The following TENM3 variants were observed in gnomAD, a reference collection of about 807,000 sequenced individuals.
The protein encoded by TENM3 is teneurin-3.
Under a neutral mutation model 255.1 loss-of-function variants are expected in TENM3, and 63 were observed. The observed-to-expected ratio is 0.25, with a 90% CI of 0.20 to 0.30. The LOEUF (loss-of-function observed/expected upper bound fraction) is 0.30. Among genes scored for constraint, TENM3 ranks in the 10% least tolerant of loss-of-function variants. TENM3 has a pLI of 1.00. For missense variants in TENM3, 2,929 were observed against 3,461.1 expected (o/e 0.85, Z 3.86); for synonymous variants, 1,306 against 1,322.3 (o/e 0.99, Z 0.27).
At chr4:182,362,266 T>G (rs991335756) in intron 3 of TENM3, among the ~76,000 whole-genome samples, 3 of 152,206 alleles carry the variant, frequency 2.0e-5, no homozygotes, top group Admixed American at 1.3e-4. Flanking sequence ...GACAGGGACA[T>G]TTAAGTCTGC....
At chr4:181,690,039 G>A in the TENM3 span, among the ~76,000 whole-genome samples, 5 of 152,140 alleles carry the variant, frequency 3.3e-5, no homozygotes, top group Non-Finnish European at 7.3e-5. Context: ...TATTGAACGT[G>A]TCAATCTCAG....
intron 3 of TENM3, among the ~76,000 whole-genome samples, chr4:182,524,222 T>C (rs374675480): frequency 3.9e-5 from 6 of 152,184 alleles, no homozygotes; most frequent in African/African-American, 1.4e-4. Context: ...TACAATTAAT[T>C]ATTTTGCCAA....
At chr4:181,665,186 A>G in the TENM3 span, among the ~76,000 whole-genome samples, 1 of 152,134 alleles carries the variant, frequency 6.6e-6, no homozygotes, top group Non-Finnish European at 1.5e-5. Flanking sequence ...GAGGCACCAG[A>G]ACATCATCTC....
At chr4:181,896,937 T>C in the TENM3 span, among the ~76,000 whole-genome samples, 2 of 152,188 alleles carry the variant, frequency 1.3e-5, no homozygotes, top group East Asian at 3.9e-4. Flanking sequence ...GTCTCCACAC[T>C]GCGGGAGACC....
At chr4:181,497,860 G>T in the TENM3 span, among the ~76,000 whole-genome samples, 11 of 152,058 alleles carry the variant, frequency 7.2e-5, no homozygotes, top group Non-Finnish European at 1.6e-4. Context: ...TTCAATGGTA[G>T]GTATTCCACT....
chr4:182,045,130 C>T, the TENM3 span, among the ~76,000 whole-genome samples: 2 of 152,068 alleles, frequency 1.3e-5, no homozygotes, highest in African/African-American at 2.4e-5. Context: ...CTGTGGGACA[C>T]GGTGATAATT....
chr4:182,176,577 A>G (rs149625344), intron 1 of TENM3, among the ~76,000 whole-genome samples: 9 of 152,314 alleles, frequency 5.9e-5, no homozygotes, highest in African/African-American at 1.7e-4. Flanking sequence ...ACTCGTAATT[A>G]TTTGTTAAAA....
At chr4:182,686,066 A>G (rs1205853533) in intron 11 of TENM3, among the ~76,000 whole-genome samples, 1 of 152,050 alleles carries the variant, frequency 6.6e-6, no homozygotes, top group Non-Finnish European at 1.5e-5. Context: ...TTTTACCTGT[A>G]TACTAAATGA....
chr4:182,580,728 G>A (rs1299472703), intron 3 of TENM3, among the ~76,000 whole-genome samples: 3 of 152,132 alleles, frequency 2.0e-5, no homozygotes, highest in Non-Finnish European at 2.9e-5. Flanking sequence ...TCAGTGCCAG[G>A]GCAGAACATT....
chr4:182,168,945 T>C (rs1751905616), intron 1 of TENM3, among the ~76,000 whole-genome samples: 1 of 152,150 alleles, frequency 6.6e-6, no homozygotes, highest in South Asian at 2.1e-4. Context: ...TTTTTTAGAA[T>C]ATTTGTTTAT....
chr4:182,726,770 G>A (rs1046292823), intron 13 of TENM3, among the ~76,000 whole-genome samples: 1 of 152,202 alleles, frequency 6.6e-6, no homozygotes, highest in Admixed American at 6.5e-5. Flanking sequence ...GCCTTCTCAC[G>A]TCTTGTTTCT....
chr4:182,744,448 G>C (rs937754513), intron 19 of TENM3, among the ~76,000 whole-genome samples: 5 of 152,048 alleles, frequency 3.3e-5, no homozygotes, highest in Non-Finnish European at 7.4e-5. Context: ...TTATTTCCAA[G>C]CATTAGTTAC....
the TENM3 span, among the ~76,000 whole-genome samples, chr4:181,971,283 C>T: frequency 6.6e-6 from 1 of 152,190 alleles, no homozygotes; most frequent in South Asian, 2.1e-4. Context: ...CCCCTTCATA[C>T]TCTGTACCTA....
rs139302559 is a variant in TENM3 at position 182,654,561 on chromosome 4, TCTGA to T, written c.1111+671_1111+674del. On this transcript the variant is annotated intron_variant, in intron 6 of 27. Transcript: ENST00000511685. ...TGTACATGTCTTGGCCTTGGTATCCTCTGACTTTTTGCAAAATATCATAATACTT... is the reference window on the plus strand; with the variant it reads ...TGTACATGTCTTGGCCTTGGTATCCTCTTTTTGCAAAATATCATAATACTT... 5.3e-5 allele frequency among the ~76,000 whole-genome samples: 8 copies of T among 152,312 alleles called. No individual in the cohort carries two copies. The East Asian group carries it at 1.5e-3, about 29-fold the overall frequency.
chr4:181,957,275 G>A, the TENM3 span, among the ~76,000 whole-genome samples: 2 of 152,144 alleles, frequency 1.3e-5, no homozygotes, highest in Admixed American at 1.3e-4. Flanking sequence ...TGAATTCCAT[G>A]CTCATGGACC....
intron 13 of TENM3, among the ~76,000 whole-genome samples, 184 bp from the exon 14 acceptor site, chr4:182,728,781 G>T (rs1342672632): frequency 2.0e-5 from 3 of 151,894 alleles, no homozygotes; most frequent in Non-Finnish European, 4.4e-5. Context: ...TCATTATGTG[G>T]CATGTGACTA....
the TENM3 span, among the ~76,000 whole-genome samples, chr4:181,525,076 G>T: frequency 6.6e-6 from 1 of 152,174 alleles, no homozygotes; most frequent in Non-Finnish European, 1.5e-5. Context: ...TTTAAAAACA[G>T]AATATCGAAA....
chr4:181,602,545 A>T, the TENM3 span, among the ~76,000 whole-genome samples: 1 of 152,216 alleles, frequency 6.6e-6, no homozygotes, highest in African/African-American at 2.4e-5. Flanking sequence ...TCAGAAATTG[A>T]AATATTCTTA....
chr4:182,302,826 T>C (rs1413654492), intron 1 of TENM3, among the ~76,000 whole-genome samples: 1 of 152,186 alleles, frequency 6.6e-6, no homozygotes, highest in East Asian at 1.9e-4. Context: ...GCTTCTGTCA[T>C]TAAGAACTGA....
Sources: allele counts gnomAD v4.1 joint callset (sites outside exome capture counted in the v4.1 genomes callset), GRCh38; gene constraint gnomAD v4.1.1; transcripts MANE v1.5; gene names NCBI Gene and HGNC (gene_info 2026-07-23, HGNC 2026-07-21).